HTT: variants seen among roughly 807,000 people sequenced by gnomAD.
The protein encoded by HTT is huntington disease protein.
HTT carries 104 observed loss-of-function variants against 362.3 expected under a neutral mutation model. That is an observed-to-expected ratio of 0.29 (90% confidence interval 0.24 to 0.34). The LOEUF (loss-of-function observed/expected upper bound fraction) is 0.34, where lower values mean the gene tolerates loss of function less well. Ranked by LOEUF, HTT falls within the 10% of genes least tolerant of loss-of-function variation. The pLI, the probability that HTT is intolerant of heterozygous loss-of-function variation, is 1.00. For synonymous variants in HTT, 1,577 were observed against 1,548.7 expected (o/e 1.02, Z -0.43); for missense variants, 3,301 against 3,928.6 (o/e 0.84, Z 4.27).
intron 39 of HTT, 24 bp from the exon 40 acceptor site, chr4:3,188,927 G>C (rs781318210): frequency 6.2e-7 from 1 of 1,611,810 alleles, no homozygotes; most frequent in Non-Finnish European, 8.5e-7. Context: ...CTAATTCACT[G>C]TCATCTTTTT....
intron 2 of HTT, among the ~76,000 whole-genome samples, chr4:3,093,627 T>G (rs1713634185): frequency 1.3e-5 from 2 of 152,074 alleles, no homozygotes; most frequent in Non-Finnish European, 2.9e-5. Flanking sequence ...TCTTGGATGA[T>G]CTGGGTAGGC....
intron 29 of HTT, 41 bp downstream of exon 29, chr4:3,160,433 A>ATCAAGTGTGCCAG: frequency 1.5e-6 from 2 of 1,311,652 alleles, no homozygotes; most frequent in Non-Finnish European, 2.2e-6. Flanking sequence ...TGGCTGGCAC[A>ATCAAGTGTGCCAG]CTTGATGTGC....
chr4:3,158,138 C>T (rs1717249662), intron 28 of HTT, among the ~76,000 whole-genome samples: 1 of 152,156 alleles, frequency 6.6e-6, no homozygotes, highest in Non-Finnish European at 1.5e-5. Flanking sequence ...CATGTGCCAC[C>T]ACACCCAGCT....
chr4:3,215,772 T>C (rs1280569149), intron 51 of HTT, among the ~76,000 whole-genome samples: 1 of 152,184 alleles, frequency 6.6e-6, no homozygotes, highest in East Asian at 1.9e-4. Flanking sequence ...AGACATATAC[T>C]ACGGCTTTTC....
chr4:3,199,599 A>G (rs998140430), intron 40 of HTT, 133 bp from the exon 41 acceptor site: 19 of 698,270 alleles, frequency 2.7e-5, no homozygotes, highest in Non-Finnish European at 1.2e-5. Context: ...AATTTTCTAA[A>G]TGCCAGGTGT....
In HTT at chr4:3,154,470, T is replaced by C. The variant is rs147209515; in HGVS notation, c.3625+51T>C. On this transcript the variant is annotated intron_variant, in intron 27 of 66. Transcript: ENST00000355072. ...GGACATGAGTGCAGCATCTGTCATG[T>C]AGAAACATAGGATTTAAGTAACTTG... The C allele has an allele frequency of 6.5e-3, 10,392 of 1,590,154 alleles. 54 individuals carry two copies. The highest frequency in any genetic ancestry group is 0.016 in the African/African-American group (1,191 of 74,014).
Position 3,188,739 on chromosome 4 carries a change from A to G in HTT, c.5226-212A>G, listed in dbSNP as rs1463012212. ...AGTTCACAAAGCTTAAAAAAATGCT[A>G]CCTGCCATTTCATCCTCAGTGAGGA... On this transcript the variant is annotated intron_variant, in intron 39 of 66. Coordinates refer to ENST00000355072, the MANE Select transcript of HTT (RefSeq NM_001388492.1). 5 of 518,392 alleles carry G rather than the reference A, an allele frequency of 9.6e-6. No homozygotes were observed. In the East Asian group the frequency reaches 1.3e-4, roughly 14 times the overall value. 32.1% of individuals were successfully genotyped at this position (518,392 alleles called of 1,614,324 possible).
chr4:3,234,948 G>T (rs555252508), intron 61 of HTT, among the ~76,000 whole-genome samples: 9 of 152,348 alleles, frequency 5.9e-5, no homozygotes, highest in Non-Finnish European at 1.0e-4. Context: ...AAGTAGAGGG[G>T]ACTGGCCTGG....
At chr4:3,112,395 C>T (rs1265868478) in intron 6 of HTT, among the ~76,000 whole-genome samples, 3 of 152,192 alleles carry the variant, frequency 2.0e-5, no homozygotes, top group South Asian at 2.1e-4. Flanking sequence ...TATTACCAAG[C>T]ACTCAGAAGC....
At chr4:3,141,053 G>A (rs1197378466) in intron 22 of HTT, among the ~76,000 whole-genome samples, 2 of 152,114 alleles carry the variant, frequency 1.3e-5, no homozygotes, top group African/African-American at 4.8e-5. Flanking sequence ...TGTTATTTAG[G>A]GTTATCCACT....
At position 3,173,292 on chromosome 4, in the gene HTT, A is replaced by T. The variant is rs1718077987; in HGVS notation, c.4166+161A>T. 23 of 638,544 alleles carry T rather than the reference A, an allele frequency of 3.6e-5. No individual in the cohort carries two copies. In the South Asian group the frequency reaches 4.1e-4, roughly 11 times the overall value. 39.6% of individuals were successfully genotyped at this position (638,544 alleles called of 1,614,324 possible). A position where few individuals can be genotyped will look rare whatever the true frequency, so the allele number is the denominator to read the frequency against. On this transcript the variant is annotated intron_variant, in intron 31 of 66. Transcript: ENST00000355072. ...GATATATATGGTTGATGCAAAGATG[A>T]TTTAAGGCATAGCCCGGCCTTCCAA...
intron 8 of HTT, among the ~76,000 whole-genome samples, chr4:3,120,348 A>G (rs1388808611): frequency 6.6e-6 from 1 of 152,146 alleles, no homozygotes; most frequent in Non-Finnish European, 1.5e-5. Flanking sequence ...AGTGCCTTGT[A>G]TTTTATCTGG....
rs569597007 is a variant in HTT, at chr4:3,147,032, G to C, written c.3295+84G>C. On this transcript the variant is annotated intron_variant, in intron 25 of 66. Transcript: ENST00000355072. ...GAATGGGGGTGGTGAGCATATGAGGGGAAAATACTATAAGGTCATTGCCAG... is the reference window on the plus strand; with the variant it reads ...GAATGGGGGTGGTGAGCATATGAGGCGAAAATACTATAAGGTCATTGCCAG... 2.3e-6 allele frequency: 3 copies of C among 1,310,482 alleles called. No homozygotes were observed. The East Asian group carries it at 6.9e-5, about 30-fold the overall frequency. 81.2% of individuals were successfully genotyped at this position (1,310,482 alleles called of 1,614,324 possible).
chr4:3,074,722 G>C lies in HTT; in HGVS notation c.-104G>C. On this transcript the variant is annotated 5_prime_UTR_variant, in exon 1 of 67. Coordinates refer to ENST00000355072, the MANE Select transcript of HTT (RefSeq NM_001388492.1). ...CAAGATGGACGGCCGCTCAGGTTCT[G>C]CTTTTACCTGCGGCCCAGAGCCCCA... 1 of 1,273,004 alleles carries C rather than the reference G, an allele frequency of 7.9e-7. No individual in the cohort carries two copies. The allele number at this position is 1,273,004 out of a possible 1,614,324, so 78.9% of individuals were successfully genotyped here.
Position 3,238,600 on chromosome 4 carries a change from G to A in HTT, c.9045G>A (p.Val3015=), listed in dbSNP as rs1393034872. 1 of 1,603,340 alleles carries A rather than the reference G, an allele frequency of 6.2e-7. No individual in the cohort carries two copies. The highest frequency in any genetic ancestry group is 1.1e-5 in the South Asian group (1 of 88,638). ...QQPYPQFMAT[V]VYKVFQTLHS... is the part of the protein sequence containing the mutation. Reference sequence around the variant, plus strand: ...CATACCCCCAGTTCATGGCCACCGTGGTGTATAAGGTGAGGTTGCATGTGG... The same window carrying A: ...CATACCCCCAGTTCATGGCCACCGTAGTGTATAAGGTGAGGTTGCATGTGG... Residue 3015 remains valine, a synonymous_variant, in exon 65 of 67, where the codon GTG becomes GTA. Coordinates refer to ENST00000355072, the MANE Select transcript of HTT (RefSeq NM_001388492.1).
At chr4:3,113,019 C>G (rs115382258) in intron 6 of HTT, 1 of 977,332 alleles carries the variant, frequency 1.0e-6, no homozygotes, top group African/African-American at 1.7e-5. Flanking sequence ...TTTAATGATT[C>G]ATGCATCTCT....
At chr4:3,220,737 G>C (rs142391912) in intron 53 of HTT, among the ~76,000 whole-genome samples, 6 of 152,080 alleles carry the variant, frequency 3.9e-5, no homozygotes, top group Non-Finnish European at 5.9e-5. Context: ...ATGGAGTCAG[G>C]TTTCTTGGCA....
At position 3,228,845 on chromosome 4, in the gene HTT, G is replaced by A; in HGVS notation, c.7980-35G>A. 1 of 1,596,072 alleles carries A rather than the reference G, an allele frequency of 6.3e-7. No homozygotes were observed. Among genetic ancestry groups the A allele is most frequent in the South Asian group, 1.1e-5 (1 of 90,366 alleles). ...TCTTGAAATGAGCCTCTCATCTCAT[G>A]TACTTGGAAAATACCCATCTCGCAT... On this transcript the variant is annotated intron_variant, in intron 58 of 66. Coordinates refer to ENST00000355072, the MANE Select transcript of HTT (RefSeq NM_001388492.1). This position sits in a 1 kb window ranked among gnomAD's most constrained non-coding sequence, Gnocchi z 4.3.
chr4:3,114,040 A>G (rs913281474), intron 6 of HTT, among the ~76,000 whole-genome samples: 1 of 152,222 alleles, frequency 6.6e-6, no homozygotes, highest in Non-Finnish European at 1.5e-5. Context: ...ATTTACCCAC[A>G]TATTTATTAA....
Sources: gnomAD v4.1 joint callset for allele counts (sites outside exome capture counted in the v4.1 genomes callset) on GRCh38, gnomAD v4.1.1 for gene constraint, Gnocchi (gnomAD v3.1) non-coding constraint, MANE v1.5 for transcripts, NCBI Gene and HGNC (gene_info 2026-07-23, HGNC 2026-07-21) for gene names.